GPBP1L1: variants seen among roughly 807,000 people sequenced by gnomAD.
GPBP1L1 encodes the protein vasculin-like protein 1.
GPBP1L1 carries 23 observed loss-of-function variants against 52.5 expected under a neutral mutation model. That is an observed-to-expected ratio of 0.44 (90% CI 0.32 to 0.62). The LOEUF (loss-of-function observed/expected upper bound fraction) is 0.62. GPBP1L1 is among the 20% of genes least tolerant of loss of function. The pLI is 0.06. For synonymous variants in GPBP1L1, 243 were observed against 203.1 expected (o/e 1.20, Z -1.67); for missense variants, 596 against 579.3 (o/e 1.03, Z -0.30).
At chr1:45,655,122 T>G in intron 5 of GPBP1L1, 68 bp downstream of exon 5, 1 of 1,580,688 alleles carries the variant, frequency 6.3e-7, no homozygotes, top group Non-Finnish European at 8.7e-7. Flanking sequence ...TACAGACATG[T>G]ACCCACAGCC....
Position 45,640,196 on chromosome 1 carries a change from AT to A in GPBP1L1, c.744+13del. ...TCTCTTGTATAAGGTTCTTGCCCTG[AT>A]TCTAAATCATACCTTGGAAGGAGGT... On this transcript the variant is annotated intron_variant, in intron 8 of 12. Coordinates refer to ENST00000355105, the MANE Select transcript of GPBP1L1 (RefSeq NM_021639.5). 1 of 1,602,848 alleles carries A rather than the reference AT, an allele frequency of 6.2e-7. No homozygotes were observed. Among genetic ancestry groups the A allele is most frequent in the Non-Finnish European group, 8.5e-7 (1 of 1,170,868 alleles).
intron 6 of GPBP1L1, among the ~76,000 whole-genome samples, chr1:45,649,066 C>T (rs185539006): frequency 1.6e-4 from 25 of 152,242 alleles, no homozygotes; most frequent in Admixed American, 1.1e-3. Flanking sequence ...GTTTTCACTG[C>T]GACCTGCTGC....
At chr1:45,645,974 A>T in intron 6 of GPBP1L1, 1 of 500,600 alleles carries the variant, frequency 2.0e-6, no homozygotes, top group South Asian at 1.5e-5. Context: ...TGCAAATCAA[A>T]GCTGGGGCTC....
chr1:45,683,922 A>G (rs1350085786), intron 2 of GPBP1L1, among the ~76,000 whole-genome samples: 3 of 150,032 alleles, frequency 2.0e-5, no homozygotes, highest in Non-Finnish European at 4.4e-5. Context: ...ACCCCGTATC[A>G]AAAACAAAAC....
intron 6 of GPBP1L1, among the ~76,000 whole-genome samples, chr1:45,652,836 G>GT (rs1644835345): frequency 6.6e-6 from 1 of 152,024 alleles, no homozygotes; most frequent in Admixed American, 6.6e-5. Context: ...TTCATTGCTA[G>GT]TTTGATATGA....
At chr1:45,637,686 T>G (rs1253672949) in intron 8 of GPBP1L1, among the ~76,000 whole-genome samples, 1 of 152,160 alleles carries the variant, frequency 6.6e-6, no homozygotes, top group Non-Finnish European at 1.5e-5. Context: ...TTCTTACTCA[T>G]TTTTATATTT....
At chr1:45,643,358 T>C (rs552346567) in intron 6 of GPBP1L1, among the ~76,000 whole-genome samples, 1 of 152,312 alleles carries the variant, frequency 6.6e-6, no homozygotes, top group Non-Finnish European at 1.5e-5. Context: ...GATTAAGTTT[T>C]ATTCTACAGG....
chr1:45,633,579 G>C lies in GPBP1L1; in HGVS notation c.954C>G (p.Thr318=). Residue 318 remains threonine, a synonymous_variant, in exon 10 of 13, where the codon ACC becomes ACG. Transcript: ENST00000355105. ...TCAGGAACTCACTCTTCCTGTCGGT[G>C]GTTCGGCGGGTCAACTTGGTCAGAC... ...SSRLTKLTRR[T]TDRKSEFLKT... 6.2e-7 allele frequency: 1 copy of C among 1,613,960 alleles called. No individual in the cohort carries two copies. The highest frequency in any genetic ancestry group is 8.5e-7 in the Non-Finnish European group (1 of 1,179,992).
intron 2 of GPBP1L1, among the ~76,000 whole-genome samples, chr1:45,670,918 G>A (rs944229073): frequency 1.1e-4 from 16 of 146,228 alleles, no homozygotes; most frequent in African/African-American, 1.5e-4. Context: ...TCAGCCTCCC[G>A]AGTAGCTGGG....
At chr1:45,665,656 G>T (rs766813389) in intron 2 of GPBP1L1, among the ~76,000 whole-genome samples, 1 of 148,950 alleles carries the variant, frequency 6.7e-6, no homozygotes, top group Non-Finnish European at 1.5e-5. Context: ...CAGGAGAATC[G>T]CTTGAAACCG....
chr1:45,682,918 TTGGGCAATTAGGTCTCTAACAGCACA>T, intron 2 of GPBP1L1, among the ~76,000 whole-genome samples: 1 of 152,318 alleles, frequency 6.6e-6, no homozygotes, highest in East Asian at 1.9e-4. Context: ...TAGAAGTAAC[TTGGGCAATTAGGTCTCTAACAGCACA>T]ACCACGTATT....
intron 7 of GPBP1L1, among the ~76,000 whole-genome samples, chr1:45,640,854 C>CA (rs1553179838): frequency 6.6e-6 from 1 of 151,934 alleles, no homozygotes; most frequent in Non-Finnish European, 1.5e-5. Flanking sequence ...CCCATCTTTA[C>CA]AAAAAATACA....
intron 6 of GPBP1L1, among the ~76,000 whole-genome samples, chr1:45,646,560 A>ATT (rs199539916): frequency 3.4e-5 from 5 of 144,928 alleles, no homozygotes; most frequent in South Asian, 2.2e-4. Flanking sequence ...ACTTTTCAGT[A>ATT]TTTTTTTTTT....
At chr1:45,657,135 C>A (rs557976992) in intron 4 of GPBP1L1, among the ~76,000 whole-genome samples, 3 of 152,260 alleles carry the variant, frequency 2.0e-5, no homozygotes, top group African/African-American at 7.2e-5. Flanking sequence ...AACAATTATT[C>A]TTCTCTGATA....
chr1:45,643,647 TAGG>T (rs1170669911), intron 6 of GPBP1L1, among the ~76,000 whole-genome samples: 3 of 140,820 alleles, frequency 2.1e-5, no homozygotes, highest in African/African-American at 7.9e-5. Context: ...GGTAACAGGG[TAGG>T]AGAATGGCTT....
At chr1:45,640,704 A>G (rs2148439045) in intron 7 of GPBP1L1, among the ~76,000 whole-genome samples, 1 of 152,312 alleles carries the variant, frequency 6.6e-6, no homozygotes, top group East Asian at 1.9e-4. Flanking sequence ...GTTAAGCATG[A>G]ACCCAACAAG....
chr1:45,628,102 A>G lies in GPBP1L1; in HGVS notation c.*154T>C, dbSNP rs1446969979. On this transcript the variant is annotated 3_prime_UTR_variant, in exon 13 of 13. Coordinates refer to ENST00000355105, the MANE Select transcript of GPBP1L1 (RefSeq NM_021639.5). ...ACAGGGAAGAACAATAACAAAAGCA[A>G]AACAAGCCAATTGCTCTCTCTTTGG... 3.8e-6 allele frequency: 3 copies of G among 781,216 alleles called. No individual in the cohort carries two copies. In the Admixed American group the frequency reaches 7.6e-5, roughly 20 times the overall value. The allele number at this position is 781,216 out of a possible 1,614,324, so 48.4% of individuals were successfully genotyped here.
chr1:45,628,686 C>T (rs538005454), intron 12 of GPBP1L1, among the ~76,000 whole-genome samples: 69 of 152,200 alleles, frequency 4.5e-4, no homozygotes, highest in African/African-American at 1.6e-3. Context: ...TTTTTTGAGA[C>T]GGAATCTCGC....
Position 45,660,272 on chromosome 1 carries a change from A to AGTAACG in GPBP1L1, c.-145_-144insCGTTAC. On this transcript the variant is annotated 5_prime_UTR_variant, in exon 3 of 13. Coordinates refer to ENST00000355105, the MANE Select transcript of GPBP1L1 (RefSeq NM_021639.5). ...GGTTTCCTTGTTAAAAGGGTGCTTA[A>AGTAACG]GTAACCTGGCCGGCAGCACGACTTA... The AGTAACG allele has an allele frequency of 1.0e-6, 1 of 985,370 alleles. No homozygotes were observed. Among genetic ancestry groups the AGTAACG allele is most frequent in the South Asian group, 4.7e-5 (1 of 21,282 alleles). 61.0% of individuals were successfully genotyped at this position (985,370 alleles called of 1,614,324 possible). A position where few individuals can be genotyped will look rare whatever the true frequency, so the allele number is the denominator to read the frequency against.
Sources: allele counts gnomAD v4.1 joint callset (sites outside exome capture counted in the v4.1 genomes callset), GRCh38; gene constraint gnomAD v4.1.1; transcripts MANE v1.5; gene names NCBI Gene and HGNC (gene_info 2026-07-23, HGNC 2026-07-21).